The following EIF5B variants were observed in gnomAD, a reference collection of about 807,000 sequenced individuals.
EIF5B encodes eIF-5B.
A neutral mutation model predicts 147.5 loss-of-function variants in EIF5B; 47 were observed. The ratio of observed to expected loss-of-function variants is 0.32; its 90% CI spans 0.25 to 0.41. The LOEUF (loss-of-function observed/expected upper bound fraction) is 0.41. EIF5B is among the 10% of genes least tolerant of loss of function. The pLI, the probability that EIF5B is intolerant of heterozygous loss-of-function variation, is 1.00. For synonymous variants in EIF5B, 455 were observed against 456.2 expected (o/e 1.00, Z 0.03); for missense variants, 1,064 against 1,413.2 (o/e 0.75, Z 3.96).
At chr2:99,355,610 G>GTTTTT (rs67037124) in intron 1 of EIF5B, among the ~76,000 whole-genome samples, 8 of 98,612 alleles carry the variant, frequency 8.1e-5, no homozygotes, top group Admixed American at 2.5e-4. Flanking sequence ...TGTTTTTTGG[G>GTTTTT]TTTTTTTTTT....
rs2094245392 is a variant in EIF5B at position 99,337,433 on chromosome 2, G to T, written c.-122G>T. 1.6e-6 allele frequency: 2 copies of T among 1,260,832 alleles called. No homozygotes were observed. Among genetic ancestry groups the T allele is most frequent in the South Asian group, 1.3e-5 (1 of 78,236 alleles). 78.1% of individuals were successfully genotyped at this position (1,260,832 alleles called of 1,614,324 possible). On this transcript the variant is annotated 5_prime_UTR_variant, in exon 1 of 24. Coordinates refer to ENST00000289371, the MANE Select transcript of EIF5B (RefSeq NM_015904.4). ...CCAGTGCGCGGGTCTGTGGAGAGCC[G>T]GGTGCGAGCGGCGGCAGCACGAGGG...
Position 99,394,275 on chromosome 2 carries a change from G to A in EIF5B, c.2889G>A (p.Leu963=). 6.2e-7 allele frequency: 1 copy of A among 1,608,488 alleles called. No individual in the cohort carries two copies. The highest frequency in any genetic ancestry group is 8.5e-7 in the Non-Finnish European group (1 of 1,178,578). The part of the protein sequence containing the change: ...EDEIPVLKDE[L]IHELKQTLNA... ...TCTGATTTCTTTTCAAGGATGAATT[G>A]ATCCATGAGTTAAAGCAGACACTAA... is the stretch of plus-strand genomic sequence containing the variant. Residue 963 remains leucine (L), a synonymous_variant, in exon 19 of 24, where the codon TTG becomes TTA. Transcript: ENST00000289371.
At chr2:99,396,481 T>C (rs775391374) in intron 21 of EIF5B, among the ~76,000 whole-genome samples, 16 of 152,216 alleles carry the variant, frequency 1.1e-4, no homozygotes, top group Non-Finnish European at 2.2e-4. Flanking sequence ...AGGAACAGAA[T>C]GCTCCTGTGA....
intron 1 of EIF5B, among the ~76,000 whole-genome samples, chr2:99,354,972 T>C (rs1181259297): frequency 1.3e-5 from 2 of 152,012 alleles, no homozygotes; most frequent in Non-Finnish European, 2.9e-5. Context: ...CCAGCTACTT[T>C]TTGTATTTTT....
rs775485454 is a variant in EIF5B at position 99,360,244 on chromosome 2, A to G, written c.44A>G (p.Asp15Gly). The G allele has an allele frequency of 2.5e-6, 4 of 1,596,140 alleles. No homozygotes were observed. The highest frequency in any genetic ancestry group is 3.4e-6 in the Non-Finnish European group (4 of 1,174,924). The change falls in exon 2 of 24, where the codon GAT becomes GGT. Residue 15 changes from aspartate to glycine, a missense_variant. Asp to Gly is a moderately conservative substitution (Grantham distance 94). Around this residue, in one of 4 missense-constraint regions of EIF5B, gnomAD observed 458 missense variants for 451.3 expected, o/e 1.01. Coordinates refer to ENST00000289371, the MANE Select transcript of EIF5B (RefSeq NM_015904.4). ...TTTTGTTTTCATTTAAGCACCAAGGATGACATTGATCTTGATGCCTTGGCT... is the reference window on the plus strand; with the variant it reads ...TTTTGTTTTCATTTAAGCACCAAGGGTGACATTGATCTTGATGCCTTGGCT... ...QKNKSEDSTKDDIDLDALAAE... is the reference protein window; with the variant it reads ...QKNKSEDSTKGDIDLDALAAE...
chr2:99,399,611 T>A lies in EIF5B; in HGVS notation c.*197T>A. The A allele has an allele frequency of 3.8e-6, 2 of 525,940 alleles. No individual in the cohort carries two copies. Among genetic ancestry groups the A allele is most frequent in the South Asian group, 4.2e-5 (2 of 47,836 alleles). The allele number at this position is 525,940 out of a possible 1,614,324, so 32.6% of individuals were successfully genotyped here. ...TGGTTTGACAGTGGTCAGTTACATG[T>A]CCCCACAGTTCCAATGTGCCTGTTC... On this transcript the variant is annotated 3_prime_UTR_variant, in exon 24 of 24. Coordinates refer to ENST00000289371, the MANE Select transcript of EIF5B (RefSeq NM_015904.4).
At chr2:99,394,242 T>TGA in intron 18 of EIF5B, 25 bp from the exon 19 acceptor site, 1 of 1,594,928 alleles carries the variant, frequency 6.3e-7, no homozygotes, top group Admixed American at 1.8e-5. Context: ...GTTGACAACC[T>TGA]TATCAAATCT....
Position 99,337,420 on chromosome 2 carries a change from T to C in EIF5B, c.-135T>C. 1 of 1,091,644 alleles carries C rather than the reference T, an allele frequency of 9.2e-7. No individual in the cohort carries two copies. The highest frequency in any genetic ancestry group is 1.4e-6 in the Non-Finnish European group (1 of 730,024). The allele number at this position is 1,091,644 out of a possible 1,614,324, so 67.6% of individuals were successfully genotyped here. Reference sequence around the variant, plus strand: ...TATGTGTCCTGTTCCAGTGCGCGGGTCTGTGGAGAGCCGGGTGCGAGCGGC... The same window carrying C: ...TATGTGTCCTGTTCCAGTGCGCGGGCCTGTGGAGAGCCGGGTGCGAGCGGC... On this transcript the variant is annotated 5_prime_UTR_variant, in exon 1 of 24. Coordinates refer to ENST00000289371, the MANE Select transcript of EIF5B (RefSeq NM_015904.4).
intron 6 of EIF5B, among the ~76,000 whole-genome samples, chr2:99,365,256 T>TA (rs1477669703): frequency 6.6e-6 from 1 of 152,114 alleles, no homozygotes; most frequent in African/African-American, 2.4e-5. Flanking sequence ...TTTTCCCTCA[T>TA]AAAAAAATCT....
chr2:99,339,891 CCT>C (rs1198347137), intron 1 of EIF5B, among the ~76,000 whole-genome samples: 3 of 151,972 alleles, frequency 2.0e-5, no homozygotes, highest in South Asian at 2.1e-4. Context: ...GTTTTTTCCC[CCT>C]CTCAACCTAA....
rs1172858860 is a variant in EIF5B at position 99,361,530 on chromosome 2, C to T, written c.629C>T (p.Pro210Leu). The T allele has an allele frequency of 6.2e-7, 1 of 1,613,648 alleles. No individual in the cohort carries two copies. The highest frequency in any genetic ancestry group is 2.2e-5 in the East Asian group (1 of 44,844). Residue 210 changes from proline (P) to leucine (L), a missense_variant, in exon 4 of 24, where the codon CCT becomes CTT. Around this residue, in one of 4 missense-constraint regions of EIF5B, gnomAD observed 458 missense variants for 451.3 expected, o/e 1.01. Transcript: ENST00000289371. ...QKKNQKNKPG[P>L]NIESGNEDDD... is the part of the protein sequence containing the mutation. The stretch of plus-strand genomic sequence containing the variant: ...AAAAATCAGAAAAACAAGCCAGGTC[C>T]TAACATAGAAAGTGGGAATGAAGAT...
chr2:99,367,178 G>C (rs1335971339), intron 6 of EIF5B, among the ~76,000 whole-genome samples: 1 of 152,174 alleles, frequency 6.6e-6, no homozygotes, highest in Non-Finnish European at 1.5e-5. Context: ...AGAAAGACCA[G>C]TTCAGAACTT....
intron 1 of EIF5B, among the ~76,000 whole-genome samples, chr2:99,351,180 C>T (rs1673945330): frequency 6.6e-6 from 1 of 152,214 alleles, no homozygotes; most frequent in Admixed American, 6.5e-5. Context: ...TCTAGAAATT[C>T]ATATAAGTAG....
At chr2:99,381,736 T>A (rs1319377428) in intron 12 of EIF5B, among the ~76,000 whole-genome samples, 1 of 152,146 alleles carries the variant, frequency 6.6e-6, no homozygotes, top group Non-Finnish European at 1.5e-5. Flanking sequence ...TAAATTTACT[T>A]TAAAATGTAC....
chr2:99,381,518 G>GGTGTGTGT (rs56686088), intron 12 of EIF5B, among the ~76,000 whole-genome samples: 10,193 of 142,978 alleles, frequency 0.071, 475 homozygotes, highest in East Asian at 0.17. Context: ...ACAAAAAGGG[G>GGTGTGTGT]GTGTGTGTGT....
At chr2:99,370,670 T>A (rs1674428178) in intron 8 of EIF5B, among the ~76,000 whole-genome samples, 1 of 152,242 alleles carries the variant, frequency 6.6e-6, no homozygotes, top group Non-Finnish European at 1.5e-5. Context: ...GCAGGCTTGT[T>A]AGTAAATAAT....
chr2:99,338,981 A>AAATAT (rs1312905108), intron 1 of EIF5B, among the ~76,000 whole-genome samples: 12 of 139,574 alleles, frequency 8.6e-5, no homozygotes, highest in East Asian at 4.1e-4. Context: ...TATATATACA[A>AAATAT]ATATATACAC....
intron 14 of EIF5B, among the ~76,000 whole-genome samples, chr2:99,387,036 A>G (rs1674823560): frequency 6.6e-6 from 1 of 152,022 alleles, no homozygotes; most frequent in African/African-American, 2.4e-5. Context: ...CAGCCTCCCA[A>G]GTAGCTGGAA....
chr2:99,379,261 T>A, intron 11 of EIF5B, 57 bp from the exon 12 acceptor site: 1 of 1,501,496 alleles, frequency 6.7e-7, no homozygotes, highest in Non-Finnish European at 9.1e-7. Context: ...TCTTATTATT[T>A]TTGCTGCTAT....
Sources: allele counts gnomAD v4.1 joint callset (sites outside exome capture counted in the v4.1 genomes callset), GRCh38; gene constraint gnomAD v4.1.1; regional missense constraint gnomAD v4.1.1; transcripts MANE v1.5; gene names NCBI Gene and HGNC (gene_info 2026-07-23, HGNC 2026-07-21).